Variants in TMEM135 observed in about 807,000 individuals in gnomAD.
The protein encoded by TMEM135 is peroxisomal membrane protein 52.
A neutral mutation model predicts 60.3 loss-of-function variants in TMEM135; 30 were observed. That is an observed-to-expected ratio of 0.50 (90% CI 0.37 to 0.68). The LOEUF is 0.68. TMEM135 is among the 30% of genes least tolerant of loss of function. The probability of loss-of-function intolerance (pLI) is 0.00; values close to 1 mark genes in which losing one functional copy is unlikely to be tolerated. For synonymous variants in TMEM135, 190 were observed against 186.7 expected, an observed-to-expected ratio of 1.02 and a Z score of -0.14; for missense variants, 468 against 548.8, an observed-to-expected ratio of 0.85 and a Z score of 1.47.
chr11:87,076,685 C>T (rs2512392), intron 3 of TMEM135, among the ~76,000 whole-genome samples: 97,713 of 152,146 alleles, frequency 0.64, 32,527 homozygotes, highest in East Asian at 0.88. Context: ...CCCAAGGCTA[C>T]GGCATACTCC....
intron 1 of TMEM135, among the ~76,000 whole-genome samples, chr11:87,045,116 G>A (rs758091747): frequency 1.3e-5 from 2 of 151,590 alleles, no homozygotes; most frequent in African/African-American, 2.4e-5. Context: ...TGCAAGCTGC[G>A]CCTCCCGGGT....
intron 5 of TMEM135, among the ~76,000 whole-genome samples, chr11:87,176,402 C>G (rs1939369212): frequency 1.3e-5 from 2 of 152,202 alleles, no homozygotes; most frequent in South Asian, 4.1e-4. Flanking sequence ...GCTGCAGAAC[C>G]ATGAGCCAAA....
Position 87,095,694 on chromosome 11 carries a change from C to T in TMEM135, c.396+4299C>T, listed in dbSNP as rs368126961. 6.9e-5 allele frequency: 11 copies of T among 160,252 alleles called. No homozygotes were observed. In the East Asian group the frequency reaches 1.1e-3, roughly 16 times the overall value. 9.9% of individuals were successfully genotyped at this position (160,252 alleles called of 1,614,324 possible). A position where few individuals can be genotyped will look rare whatever the true frequency, so the allele number is the denominator to read the frequency against. ...GTGTCACTATTTTAAAAGTAAATGCCGGCCGGGAGCGGTGGCTCACACCTG... is the reference window on the plus strand; with the variant it reads ...GTGTCACTATTTTAAAAGTAAATGCTGGCCGGGAGCGGTGGCTCACACCTG... On this transcript the variant is annotated intron_variant, in intron 4 of 14. Coordinates refer to ENST00000305494, the MANE Select transcript of TMEM135 (RefSeq NM_022918.4).
intron 6 of TMEM135, among the ~76,000 whole-genome samples, chr11:87,274,492 C>T (rs2135414033): frequency 6.6e-6 from 1 of 152,204 alleles, no homozygotes; most frequent in South Asian, 2.1e-4. Flanking sequence ...TTCTGAGATT[C>T]TTTTTCAGAA....
intron 4 of TMEM135, among the ~76,000 whole-genome samples, chr11:87,105,680 G>A (rs961619711): frequency 6.6e-6 from 1 of 152,152 alleles, no homozygotes; most frequent in African/African-American, 2.4e-5. Context: ...TTTGATACAT[G>A]CATAGACTAT....
At chr11:87,256,955 T>A (rs545359064) in intron 6 of TMEM135, among the ~76,000 whole-genome samples, 5 of 152,242 alleles carry the variant, frequency 3.3e-5, no homozygotes, top group African/African-American at 1.2e-4. Flanking sequence ...TGTATATATG[T>A]CTTTCAGCTT....
rs200127836 is a variant in TMEM135, at chr11:87,321,251, C to G, written c.1295C>G (p.Ser432Cys). Residue 432 changes from serine (S) to cysteine (C), a missense_variant, in exon 15 of 15, where the codon TCT becomes TGT. Ser to Cys is a moderately radical substitution (Grantham distance 112, BLOSUM62 -1). Transcript: ENST00000305494. ...CTTGATGTTTTTGGTACTGGTGCAT[C>G]TAAACACTTTCAGGATTTCATCCCC... ...KVLDVFGTGA[S>C]KHFQDFIPRL... The G allele has an allele frequency of 8.9e-5, 144 of 1,613,584 alleles. No homozygotes were observed. Among genetic ancestry groups the G allele is most frequent in the Non-Finnish European group, 1.2e-4 (139 of 1,179,706 alleles).
intron 3 of TMEM135, among the ~76,000 whole-genome samples, chr11:87,081,419 A>G (rs1856990565): frequency 6.6e-6 from 1 of 151,290 alleles, no homozygotes. Context: ...CCATTTTACT[A>G]CCTCTCAAAA....
At chr11:87,111,310 A>G (rs917786008) in intron 4 of TMEM135, among the ~76,000 whole-genome samples, 1 of 152,004 alleles carries the variant, frequency 6.6e-6, no homozygotes, top group African/African-American at 2.4e-5. Context: ...TGTTCTCTGA[A>G]ATAAGCTCTT....
At chr11:87,301,770 G>A (rs1010818357) in intron 7 of TMEM135, among the ~76,000 whole-genome samples, 8 of 152,118 alleles carry the variant, frequency 5.3e-5, no homozygotes, top group Non-Finnish European at 8.8e-5. Context: ...TCCATTCATC[G>A]TCTTTGGAAA....
chr11:87,226,169 G>A (rs1337538899), intron 5 of TMEM135, among the ~76,000 whole-genome samples: 32 of 152,136 alleles, frequency 2.1e-4, no homozygotes, highest in Non-Finnish European at 5.9e-5. Context: ...GAATGTCTTG[G>A]TAAATTGTAA....
At chr11:87,242,731 C>G (rs1391730275) in intron 6 of TMEM135, among the ~76,000 whole-genome samples, 1 of 140,004 alleles carries the variant, frequency 7.1e-6, no homozygotes, top group Non-Finnish European at 1.6e-5. Flanking sequence ...TGTTTGAGTT[C>G]ATTGTAGATT....
chr11:87,321,646 G>C lies in TMEM135; in HGVS notation c.*313G>C, dbSNP rs764725112. 1 of 516,088 alleles carries C rather than the reference G, an allele frequency of 1.9e-6. No individual in the cohort carries two copies. The highest frequency in any genetic ancestry group is 1.6e-5 in the South Asian group (1 of 64,394). 32.0% of individuals were successfully genotyped at this position (516,088 alleles called of 1,614,324 possible). A position where few individuals can be genotyped will look rare whatever the true frequency, so the allele number is the denominator to read the frequency against. On this transcript the variant is annotated 3_prime_UTR_variant, in exon 15 of 15. Transcript: ENST00000305494. ...CGTAGAAGTGTAATAACAAACAAGAGTACACTTAAAATTACTTTAAAAGAT... is the reference window on the plus strand; with the variant it reads ...CGTAGAAGTGTAATAACAAACAAGACTACACTTAAAATTACTTTAAAAGAT...
At chr11:87,201,774 ACT>A (rs1435007841) in intron 5 of TMEM135, among the ~76,000 whole-genome samples, 2 of 152,160 alleles carry the variant, frequency 1.3e-5, no homozygotes, top group African/African-American at 4.8e-5. Flanking sequence ...GAAAAATCTC[ACT>A]TAGTTTGCTA....
At chr11:87,288,385 A>C (rs970791747) in intron 6 of TMEM135, among the ~76,000 whole-genome samples, 2 of 152,176 alleles carry the variant, frequency 1.3e-5, no homozygotes, top group East Asian at 1.9e-4. Context: ...TTGCATGAAG[A>C]AGTTCCACCT....
chr11:87,217,225 A>G (rs994235858), intron 5 of TMEM135, among the ~76,000 whole-genome samples: 2 of 152,202 alleles, frequency 1.3e-5, no homozygotes, highest in African/African-American at 4.8e-5. Flanking sequence ...AGGTAGACCA[A>G]TTTCTCTATA....
intron 4 of TMEM135, among the ~76,000 whole-genome samples, chr11:87,104,693 A>G (rs1857549328): frequency 6.6e-6 from 1 of 151,748 alleles, no homozygotes; most frequent in Non-Finnish European, 1.5e-5. Flanking sequence ...TGTAAATGGG[A>G]TTTTTTTCTT....
At chr11:87,071,261 A>G (rs1029834961) in intron 2 of TMEM135, among the ~76,000 whole-genome samples, 1 of 152,212 alleles carries the variant, frequency 6.6e-6, no homozygotes, top group Non-Finnish European at 1.5e-5. Flanking sequence ...ATGTGGGGTA[A>G]GGGAAACAAA....
chr11:87,120,295 G>A (rs112977152), intron 4 of TMEM135, among the ~76,000 whole-genome samples: 19,381 of 150,372 alleles, frequency 0.13, 1,333 homozygotes, highest in Non-Finnish European at 0.15. Flanking sequence ...TTGTAGAGAT[G>A]GCATCTCACT....
Sources: allele counts gnomAD v4.1 joint callset (sites outside exome capture counted in the v4.1 genomes callset), GRCh38; gene constraint gnomAD v4.1.1; transcripts MANE v1.5; gene names NCBI Gene and HGNC (gene_info 2026-07-23, HGNC 2026-07-21).